MTF2: variants seen among roughly 807,000 people sequenced by gnomAD.
MTF2 encodes the protein metal-response element-binding transcription factor 2.
Under a neutral mutation model 79.5 loss-of-function variants are expected in MTF2, and 11 were observed. The observed-to-expected ratio is 0.14, with a 90% confidence interval of 0.09 to 0.23. The LOEUF (loss-of-function observed/expected upper bound fraction) is 0.23, where lower values mean the gene tolerates loss of function less well. MTF2 is among the 10% of genes least tolerant of loss of function. The probability of loss-of-function intolerance (pLI) is 1.00; values close to 1 mark genes in which losing one functional copy is unlikely to be tolerated. For missense variants in MTF2, 486 were observed against 711.2 expected (o/e 0.68, Z 3.60); for synonymous variants, 208 against 232.8 (o/e 0.89, Z 0.97).
intron 1 of MTF2, among the ~76,000 whole-genome samples, chr1:93,092,064 C>G (rs902419295): frequency 1.3e-5 from 2 of 152,038 alleles, no homozygotes; most frequent in Non-Finnish European, 2.9e-5. Flanking sequence ...CTTAGATGAG[C>G]CTTTGGTTGT....
At chr1:93,115,412 A>AT in intron 5 of MTF2, 58 bp from the exon 6 acceptor site, 2 of 1,313,466 alleles carry the variant, frequency 1.5e-6, no homozygotes, top group Non-Finnish European at 2.1e-6. Flanking sequence ...TTTAAAGTAT[A>AT]GAATTGTGTT....
chr1:93,121,755 A>T, intron 9 of MTF2: 1 of 903,270 alleles, frequency 1.1e-6, no homozygotes, highest in East Asian at 1.2e-4. Context: ...TTTTTTTTAG[A>T]TGAAGTCTGA....
intron 1 of MTF2, among the ~76,000 whole-genome samples, chr1:93,101,568 G>GTTTTT (rs71586778): frequency 0.021 from 542 of 25,388 alleles, 190 homozygotes; most frequent in African/African-American, 0.052. Flanking sequence ...GCTCAGGCTG[G>GTTTTT]TTTTTTTTTT....
At chr1:93,127,943 G>A (rs1357310818) in intron 10 of MTF2, among the ~76,000 whole-genome samples, 1 of 151,884 alleles carries the variant, frequency 6.6e-6, no homozygotes, top group Non-Finnish European at 1.5e-5. Flanking sequence ...GTTGACTCCA[G>A]TGAAATTTTA....
rs182378818 is a variant in MTF2, at chr1:93,083,702, T to G, written c.5+4171T>G. ...CACTAGCGATTATCTGGTGAGTGAT[T>G]ATCTCACCAGTTTATCCACATCCTC... On this transcript the variant is annotated intron_variant, in intron 1 of 14. Coordinates refer to ENST00000370298, the MANE Select transcript of MTF2 (RefSeq NM_007358.4). Among the ~76,000 whole-genome samples, 345 of 152,328 alleles carry G rather than the reference T, an allele frequency of 2.3e-3. 2 individuals are homozygous for G. Among genetic ancestry groups the G allele is most frequent in the African/African-American group, 8.0e-3 (334 of 41,574 alleles).
intron 14 of MTF2, among the ~76,000 whole-genome samples, chr1:93,135,503 C>T (rs541579103): frequency 6.6e-6 from 1 of 152,224 alleles, no homozygotes; most frequent in East Asian, 1.9e-4. Context: ...AGATACTCTG[C>T]TAAGCTTTTT....
At chr1:93,135,738 G>A (rs1647363776) in intron 14 of MTF2, among the ~76,000 whole-genome samples, 1 of 152,212 alleles carries the variant, frequency 6.6e-6, no homozygotes, top group Admixed American at 6.5e-5. Context: ...TTGAGCCCAG[G>A]AGGTCAGGGC....
intron 1 of MTF2, among the ~76,000 whole-genome samples, chr1:93,104,971 C>T (rs887219759): frequency 5.9e-5 from 9 of 151,714 alleles, no homozygotes; most frequent in African/African-American, 9.7e-5. Context: ...GGTGAAACCC[C>T]GTCTCTACTA....
At chr1:93,114,597 C>T (rs533186702) in intron 3 of MTF2, 91 bp from the exon 4 acceptor site, 43 of 805,282 alleles carry the variant, frequency 5.3e-5, no homozygotes, top group Non-Finnish European at 8.0e-5. Context: ...GCAAACATTG[C>T]GCATATGTGC....
intron 1 of MTF2, among the ~76,000 whole-genome samples, chr1:93,082,971 T>C (rs1654669374): frequency 6.6e-6 from 1 of 152,242 alleles, no homozygotes; most frequent in African/African-American, 2.4e-5. Flanking sequence ...TGTGGCCTTT[T>C]ATGTCTGGCT....
chr1:93,089,564 A>G (rs1001492718), intron 1 of MTF2, among the ~76,000 whole-genome samples: 1 of 152,144 alleles, frequency 6.6e-6, no homozygotes, highest in African/African-American at 2.4e-5. Context: ...TTAAAAAAAA[A>G]GAAAGATGGA....
chr1:93,132,587 T>G (rs771294487), intron 11 of MTF2, among the ~76,000 whole-genome samples: 21 of 152,212 alleles, frequency 1.4e-4, no homozygotes, highest in Non-Finnish European at 2.9e-4. Flanking sequence ...AAGAAATGGA[T>G]ATCCCATCCA....
At chr1:93,121,538 C>T (rs980136590) in intron 9 of MTF2, 4 of 984,138 alleles carry the variant, frequency 4.1e-6, no homozygotes, top group Admixed American at 6.2e-5. Flanking sequence ...CGAAGGACAT[C>T]CTATTTCATA....
intron 8 of MTF2, 174 bp downstream of exon 8, chr1:93,119,575 G>T (rs1656389940): frequency 3.7e-6 from 2 of 544,750 alleles, no homozygotes; most frequent in Admixed American, 3.7e-5. Flanking sequence ...ACATCCACTT[G>T]TATTGCTAAA....
chr1:93,100,427 C>T (rs1044042964), intron 1 of MTF2, among the ~76,000 whole-genome samples: 3 of 152,168 alleles, frequency 2.0e-5, no homozygotes, highest in Non-Finnish European at 4.4e-5. Flanking sequence ...GCCTCAGCCT[C>T]CTGAGTAGCT....
At chr1:93,097,710 G>T (rs571244720) in intron 1 of MTF2, among the ~76,000 whole-genome samples, 1 of 152,102 alleles carries the variant, frequency 6.6e-6, no homozygotes, top group Admixed American at 6.6e-5. Context: ...CAGTTCTCGC[G>T]CCTCAGCCTC....
chr1:93,083,135 GTTGAAGTGGCCCCC>G (rs1557538172), intron 1 of MTF2, among the ~76,000 whole-genome samples: 1 of 152,222 alleles, frequency 6.6e-6, no homozygotes, highest in African/African-American at 2.4e-5. Context: ...GAAACTTCCT[GTTGAAGTGGCCCCC>G]TTGAAGTGGC....
intron 1 of MTF2, among the ~76,000 whole-genome samples, chr1:93,099,327 A>T (rs1386204000): frequency 6.6e-6 from 1 of 152,172 alleles, no homozygotes; most frequent in African/African-American, 2.4e-5. Flanking sequence ...AAACAAATGA[A>T]AGGATTTACC....
At chr1:93,112,265 G>A (rs533710159) in intron 3 of MTF2, among the ~76,000 whole-genome samples, 28 of 152,126 alleles carry the variant, frequency 1.8e-4, no homozygotes, top group Non-Finnish European at 1.3e-4. Flanking sequence ...TGAAACCTGC[G>A]TTATGGCATA....
Sources: gnomAD v4.1 joint callset for allele counts (sites outside exome capture counted in the v4.1 genomes callset) on GRCh38, gnomAD v4.1.1 for gene constraint, MANE v1.5 for transcripts, NCBI Gene and HGNC (gene_info 2026-07-23, HGNC 2026-07-21) for gene names.